EXT2: variants seen among roughly 807,000 people sequenced by gnomAD.
The protein encoded by EXT2 is exostosin-2.
A neutral mutation model predicts 81.6 loss-of-function variants in EXT2; 53 were observed. The ratio of observed to expected loss-of-function variants is 0.65; its 90% CI spans 0.52 to 0.82. The LOEUF is 0.82. Among genes scored for constraint, EXT2 ranks in the 40% least tolerant of loss-of-function variants. EXT2 has a pLI of 0.00. For synonymous variants in EXT2, 320 were observed against 340.0 expected, an observed-to-expected ratio of 0.94 and a Z score of 0.65; for missense variants, 774 against 910.2, an observed-to-expected ratio of 0.85 and a Z score of 1.93.
chr11:44,172,968 T>G (rs1955098658), intron 8 of EXT2, among the ~76,000 whole-genome samples: 1 of 152,226 alleles, frequency 6.6e-6, no homozygotes, highest in African/African-American at 2.4e-5. Context: ...GCCCACCTTC[T>G]TCCTTCTTTC....
At chr11:44,194,163 C>T (rs975992082) in intron 8 of EXT2, among the ~76,000 whole-genome samples, 3 of 152,200 alleles carry the variant, frequency 2.0e-5, no homozygotes, top group Admixed American at 6.5e-5. Flanking sequence ...TTGGCATTCT[C>T]CCCTCTTCTC....
intron 9 of EXT2, among the ~76,000 whole-genome samples, chr11:44,204,920 G>A (rs1227017399): frequency 6.6e-6 from 1 of 152,142 alleles, no homozygotes; most frequent in Non-Finnish European, 1.5e-5. Flanking sequence ...GTATGACAGG[G>A]ATTTTATTTA....
At chr11:44,194,077 C>A (rs143920461) in intron 8 of EXT2, among the ~76,000 whole-genome samples, 43 of 152,180 alleles carry the variant, frequency 2.8e-4, no homozygotes, top group African/African-American at 1.0e-3. Context: ...CCAAGGCATT[C>A]GTTTTGTGAG....
At chr11:44,236,564 A>T (rs1442619527) in intron 13 of EXT2, among the ~76,000 whole-genome samples, 189 bp downstream of exon 13, 1 of 152,154 alleles carries the variant, frequency 6.6e-6, no homozygotes, top group Admixed American at 6.5e-5. Context: ...AATGCTACTC[A>T]CTCAATTTGT....
chr11:44,133,055 T>A (rs991830839), intron 7 of EXT2, among the ~76,000 whole-genome samples: 5 of 152,160 alleles, frequency 3.3e-5, no homozygotes. Context: ...TCACCAAAAA[T>A]GTCTCTAGAA....
intron 7 of EXT2, among the ~76,000 whole-genome samples, chr11:44,143,569 T>C (rs1954674406): frequency 2.0e-5 from 3 of 152,170 alleles, no homozygotes; most frequent in Non-Finnish European, 4.4e-5. Flanking sequence ...GCTCCCTCTT[T>C]TCAAGAGTCT....
chr11:44,229,983 A>G (rs1346137825), intron 10 of EXT2, among the ~76,000 whole-genome samples: 1 of 152,258 alleles, frequency 6.6e-6, no homozygotes, highest in Non-Finnish European at 1.5e-5. Context: ...AGGAAAATAC[A>G]TAATAAACAA....
At chr11:44,198,989 A>G (rs1193865604) in intron 9 of EXT2, among the ~76,000 whole-genome samples, 3 of 152,136 alleles carry the variant, frequency 2.0e-5, no homozygotes, top group African/African-American at 4.8e-5. Flanking sequence ...CCTTTACTTC[A>G]TGGGATGTTT....
At chr11:44,143,620 C>A (rs1260770498) in intron 7 of EXT2, among the ~76,000 whole-genome samples, 9 of 152,208 alleles carry the variant, frequency 5.9e-5, no homozygotes, top group African/African-American at 2.2e-4. Context: ...CTCGGAATCA[C>A]CAGCAGAGCT....
At position 44,096,072 on chromosome 11, in the gene EXT2, TCTC is replaced by T. The variant is rs555906267; in HGVS notation, c.-31+225_-31+227del. 39 of 676,812 alleles carry T rather than the reference TCTC, an allele frequency of 5.8e-5. No individual in the cohort carries two copies. In the Middle Eastern group the frequency reaches 1.0e-3, roughly 17 times the overall value. 41.9% of individuals were successfully genotyped at this position (676,812 alleles called of 1,614,324 possible). A position where few individuals can be genotyped will look rare whatever the true frequency, so the allele number is the denominator to read the frequency against. On this transcript the variant is annotated intron_variant, in intron 1 of 13. Transcript: ENST00000533608. ...TCCGATTTCCACTCCTGCTTCTCCT[TCTC>T]CTCCGGCGGCGGCCGCGCTTTCAGC...
At chr11:44,108,856 C>T (rs900181295) in intron 2 of EXT2, among the ~76,000 whole-genome samples, 1 of 152,066 alleles carries the variant, frequency 6.6e-6, no homozygotes, top group Non-Finnish European at 1.5e-5. Flanking sequence ...GCATAGTATT[C>T]CATTTTGCAG....
intron 4 of EXT2, among the ~76,000 whole-genome samples, chr11:44,114,905 C>T (rs1298565779): frequency 6.6e-6 from 1 of 152,162 alleles, no homozygotes; most frequent in Non-Finnish European, 1.5e-5. Context: ...AAGCTGTGCT[C>T]TCTCAGTTTT....
Position 44,169,367 on chromosome 11 carries a change from G to A in EXT2, c.1174-2244G>A, listed in dbSNP as rs143008391. On this transcript the variant is annotated intron_variant, in intron 7 of 13. Transcript: ENST00000533608. ...AATTATAAAATCGTTAGTTTGAGACGTAATATAATAAAGCAATGATGTTTA... is the reference window on the plus strand; with the variant it reads ...AATTATAAAATCGTTAGTTTGAGACATAATATAATAAAGCAATGATGTTTA... 1.2e-3 allele frequency among the ~76,000 whole-genome samples: 178 copies of A among 152,104 alleles called. No homozygotes were observed. The Middle Eastern group carries it at 0.014, about 12-fold the overall frequency.
At chr11:44,194,505 G>C (rs1011838520) in intron 8 of EXT2, among the ~76,000 whole-genome samples, 3 of 152,126 alleles carry the variant, frequency 2.0e-5, no homozygotes, top group African/African-American at 7.2e-5. Flanking sequence ...GAGGGCATAG[G>C]GAAGGGCTGT....
At chr11:44,127,041 C>T in intron 6 of EXT2, 86 bp downstream of exon 6, 2 of 1,517,852 alleles carry the variant, frequency 1.3e-6, no homozygotes, top group Non-Finnish European at 1.8e-6. Context: ...TAATGTATAC[C>T]CTGGTTCAAG....
Position 44,096,011 on chromosome 11 carries a change from C to T in EXT2, c.-31+159C>T, listed in dbSNP as rs551657363. ...TGCGAGAGGCCACCCCCAGCCCCGCCGGGGCTGTGACAATGACTGCCCGCT... is the reference window on the plus strand; with the variant it reads ...TGCGAGAGGCCACCCCCAGCCCCGCTGGGGCTGTGACAATGACTGCCCGCT... On this transcript the variant is annotated intron_variant, in intron 1 of 13. Coordinates refer to ENST00000533608, the MANE Select transcript of EXT2 (RefSeq NM_207122.2). 2.6e-4 allele frequency among the ~76,000 whole-genome samples: 39 copies of T among 152,252 alleles called. 1 individual carries two copies. The South Asian group carries it at 8.1e-3, about 32-fold the overall frequency.
chr11:44,244,156 TGCATCAACAAGTTTG>T lies in EXT2; in HGVS notation c.2027_2041del (p.Cys676_Ala681delinsSer). On this transcript the variant is annotated inframe_deletion, in exon 14 of 14. Coordinates refer to ENST00000533608, the MANE Select transcript of EXT2 (RefSeq NM_207122.2). The stretch of plus-strand genomic sequence containing the variant: ...CCTCTCCAAATCCCACAGGTCAGAG[TGCATCAACAAGTTTG>T]CTTCAGTCTTCGGGACCATGCCTCT... The T allele has an allele frequency of 6.2e-7, 1 of 1,613,934 alleles. No homozygotes were observed. Among genetic ancestry groups the T allele is most frequent in the Non-Finnish European group, 8.5e-7 (1 of 1,179,964 alleles).
intron 7 of EXT2, among the ~76,000 whole-genome samples, chr11:44,158,772 A>G (rs2135100342): frequency 1.3e-5 from 2 of 152,106 alleles, no homozygotes; most frequent in South Asian, 4.1e-4. Context: ...CTTGCAAGGC[A>G]AGGCTACTGA....
At chr11:44,125,187 G>A (rs1408333493) in intron 5 of EXT2, among the ~76,000 whole-genome samples, 1 of 152,280 alleles carries the variant, frequency 6.6e-6, no homozygotes, top group East Asian at 1.9e-4. Flanking sequence ...AAGCTGCTTG[G>A]CCTATGAGAG....
Sources: allele counts gnomAD v4.1 joint callset (sites outside exome capture counted in the v4.1 genomes callset), GRCh38; gene constraint gnomAD v4.1.1; transcripts MANE v1.5; gene names NCBI Gene and HGNC (gene_info 2026-07-23, HGNC 2026-07-21).